The following ENTREP2 variants were observed in gnomAD, a reference collection of about 807,000 sequenced individuals.
The protein encoded by ENTREP2 is endosomal transmembrane epsin interactor 2.
the ENTREP2 span, among the ~76,000 whole-genome samples, chr15:29,238,597 T>C: frequency 2.6e-5 from 4 of 151,834 alleles, no homozygotes; most frequent in African/African-American, 9.7e-5. Flanking sequence ...ATCATGCCAC[T>C]GCAGTCCAGC....
chr15:29,551,211 G>A, the ENTREP2 span, among the ~76,000 whole-genome samples: 1 of 152,164 alleles, frequency 6.6e-6, no homozygotes, highest in African/African-American at 2.4e-5. Flanking sequence ...CTAGAGCTCA[G>A]GCATATGGCT....
At chr15:29,428,915 G>A in the ENTREP2 span, among the ~76,000 whole-genome samples, 1 of 152,208 alleles carries the variant, frequency 6.6e-6, no homozygotes, top group South Asian at 2.1e-4. Flanking sequence ...CAGAGAGGCA[G>A]CAGAATTTGC....
chr15:29,363,878 A>G, the ENTREP2 span, among the ~76,000 whole-genome samples: 14 of 152,278 alleles, frequency 9.2e-5, no homozygotes, highest in African/African-American at 3.4e-4. Context: ...GGACAGCATC[A>G]ATGAATCAAA....
the ENTREP2 span, among the ~76,000 whole-genome samples, chr15:29,495,151 C>T: frequency 6.6e-6 from 1 of 152,220 alleles, no homozygotes; most frequent in Non-Finnish European, 1.5e-5. Context: ...AATTTACATT[C>T]CCAGCATCAA....
the ENTREP2 span, among the ~76,000 whole-genome samples, chr15:29,644,385 T>G: frequency 6.6e-6 from 1 of 152,336 alleles, no homozygotes; most frequent in African/African-American, 2.4e-5. Flanking sequence ...CATTTAATTG[T>G]GCACTTTACA....
At chr15:29,392,333 A>G in the ENTREP2 span, among the ~76,000 whole-genome samples, 1 of 151,890 alleles carries the variant, frequency 6.6e-6, no homozygotes, top group Non-Finnish European at 1.5e-5. Flanking sequence ...CTAGATTGTC[A>G]TGACAAAAGT....
chr15:29,462,872 G>C, the ENTREP2 span, among the ~76,000 whole-genome samples: 1 of 152,036 alleles, frequency 6.6e-6, no homozygotes, highest in Non-Finnish European at 1.5e-5. Context: ...ATCAGAAACA[G>C]ACTCCTAAGA....
At chr15:29,225,501 C>T in the ENTREP2 span, among the ~76,000 whole-genome samples, 10 of 152,216 alleles carry the variant, frequency 6.6e-5, no homozygotes, top group East Asian at 3.9e-4. Context: ...CACTTTCACC[C>T]GCAGCTTACC....
the ENTREP2 span, among the ~76,000 whole-genome samples, chr15:29,514,572 A>G: frequency 1.1e-3 from 164 of 152,332 alleles, no homozygotes; most frequent in Admixed American, 2.7e-3. Flanking sequence ...CTAGTTTTAA[A>G]CAGAGCTGTC....
chr15:29,443,936 C>A, the ENTREP2 span, among the ~76,000 whole-genome samples: 3 of 152,118 alleles, frequency 2.0e-5, no homozygotes, highest in South Asian at 4.2e-4. Flanking sequence ...AACCCCATCT[C>A]TACTAAAAAT....
the ENTREP2 span, among the ~76,000 whole-genome samples, chr15:29,155,439 T>C: frequency 3.3e-5 from 5 of 152,198 alleles, no homozygotes; most frequent in Admixed American, 6.5e-5. Context: ...GGCACTGTTA[T>C]CACTAATCCT....
chr15:29,539,897 AG>A, the ENTREP2 span, among the ~76,000 whole-genome samples: 1 of 152,094 alleles, frequency 6.6e-6, no homozygotes, highest in South Asian at 2.1e-4. Context: ...ACACCATGCC[AG>A]GGCTGCCCAG....
At chr15:29,118,601 GAC>G in the ENTREP2 span, among the ~76,000 whole-genome samples, 1 of 152,220 alleles carries the variant, frequency 6.6e-6, no homozygotes, top group Non-Finnish European at 1.5e-5. Flanking sequence ...CCAGCAGGGA[GAC>G]ACGTCCGCAG....
At chr15:29,218,719 G>A in the ENTREP2 span, among the ~76,000 whole-genome samples, 1 of 152,148 alleles carries the variant, frequency 6.6e-6, no homozygotes, top group African/African-American at 2.4e-5. Context: ...GTGGGGAAAG[G>A]ACACCCTCTT....
At chr15:29,389,424 T>G in the ENTREP2 span, among the ~76,000 whole-genome samples, 1 of 151,254 alleles carries the variant, frequency 6.6e-6, no homozygotes. Context: ...CCCACACCCC[T>G]CCCCAATCCT....
the ENTREP2 span, among the ~76,000 whole-genome samples, chr15:29,340,232 C>T: frequency 3.3e-5 from 5 of 152,328 alleles, no homozygotes; most frequent in Admixed American, 2.0e-4. Context: ...AATACATATA[C>T]TGGGTTTTGT....
the ENTREP2 span, among the ~76,000 whole-genome samples, chr15:29,341,676 C>T: frequency 3.9e-5 from 6 of 152,034 alleles, no homozygotes; most frequent in Non-Finnish European, 7.4e-5. Flanking sequence ...TGTCAAGCGC[C>T]GTGGAAGGGA....
At chr15:29,323,417 G>T in the ENTREP2 span, among the ~76,000 whole-genome samples, 1,010 of 152,314 alleles carry the variant, frequency 6.6e-3, 9 homozygotes, top group African/African-American at 0.023. Flanking sequence ...GTGGCGTCCT[G>T]AAGTGGGCAT....
the ENTREP2 span, among the ~76,000 whole-genome samples, chr15:29,407,780 C>T: frequency 2.6e-5 from 4 of 152,248 alleles, no homozygotes; most frequent in South Asian, 2.1e-4. Flanking sequence ...ATTCTCCTGC[C>T]GCAGCCTCCC....
Sources: allele counts gnomAD v4.1 joint callset (sites outside exome capture counted in the v4.1 genomes callset), GRCh38; gene constraint gnomAD v4.1.1; transcripts MANE v1.5; gene names NCBI Gene and HGNC (gene_info 2026-07-23, HGNC 2026-07-21).